The following NEBL variants were observed in gnomAD, a reference collection of about 807,000 sequenced individuals.
NEBL encodes LIM and SH3 protein 2.
A neutral mutation model predicts 140.2 loss-of-function variants in NEBL; 122 were observed. The observed-to-expected ratio is 0.87, with a 90% CI of 0.75 to 1.01. The LOEUF is 1.01. NEBL is among the 50% of genes least tolerant of loss of function. The probability of loss-of-function intolerance (pLI) is 0.00; values close to 1 mark genes in which losing one functional copy is unlikely to be tolerated. For synonymous variants in NEBL, 436 were observed against 398.9 expected, an observed-to-expected ratio of 1.09 and a Z score of -1.11; for missense variants, 1,365 against 1,231.3, an observed-to-expected ratio of 1.11 and a Z score of -1.62.
chr10:21,086,536 G>C (rs576406103), intron 2 of NEBL, among the ~76,000 whole-genome samples: 2 of 152,328 alleles, frequency 1.3e-5, no homozygotes, highest in African/African-American at 4.8e-5. Context: ...CCAGCACTTT[G>C]GGAGGCCAAG....
intron 26 of NEBL, among the ~76,000 whole-genome samples, chr10:20,790,892 A>T (rs1171763446): frequency 1.3e-5 from 2 of 152,204 alleles, no homozygotes; most frequent in Non-Finnish European, 2.9e-5. Flanking sequence ...ATTTTTAAAA[A>T]GTAAGATGTC....
chr10:20,876,120 G>A (rs1349160076), intron 5 of NEBL, among the ~76,000 whole-genome samples: 1 of 152,172 alleles, frequency 6.6e-6, no homozygotes, highest in Non-Finnish European at 1.5e-5. Flanking sequence ...TTCTGTAAGA[G>A]AATATAAGCC....
At chr10:21,134,883 T>C (rs1284626535) in intron 2 of NEBL, among the ~76,000 whole-genome samples, 1 of 152,196 alleles carries the variant, frequency 6.6e-6, no homozygotes, top group Non-Finnish European at 1.5e-5. Flanking sequence ...TAAAACAGTT[T>C]TCAGAATTTC....
intron 4 of NEBL, among the ~76,000 whole-genome samples, chr10:20,882,952 A>G (rs908663247): frequency 2.6e-5 from 4 of 152,166 alleles, no homozygotes; most frequent in Admixed American, 1.3e-4. Context: ...AAAAGAGCCT[A>G]TTTCATGAGA....
At chr10:21,115,560 A>T (rs1317777455) in intron 2 of NEBL, among the ~76,000 whole-genome samples, 9 of 151,928 alleles carry the variant, frequency 5.9e-5, no homozygotes, top group Admixed American at 5.9e-4. Flanking sequence ...AGTGCCTTAA[A>T]GGTGCTGCTC....
At chr10:20,852,461 A>G in intron 10 of NEBL, 84 bp downstream of exon 10, 2 of 853,222 alleles carry the variant, frequency 2.3e-6, no homozygotes, top group Non-Finnish European at 4.0e-6. Flanking sequence ...TTCTCAGTTA[A>G]GACGCACGGC....
At chr10:21,166,250 AGAAAAAAAAAT>A (rs1564533546) in intron 2 of NEBL, among the ~76,000 whole-genome samples, 8,213 of 107,698 alleles carry the variant, frequency 0.076, 688 homozygotes, top group African/African-American at 0.11. Context: ...AAAAAAGAAA[AGAAAAAAAAAT>A]TTTCTACATC....
intron 2 of NEBL, among the ~76,000 whole-genome samples, chr10:21,114,179 T>C (rs1478986736): frequency 1.3e-5 from 2 of 152,132 alleles, no homozygotes; most frequent in African/African-American, 4.8e-5. Flanking sequence ...TTTTCTTGTA[T>C]TGATTCAAGT....
At chr10:20,828,055 G>C (rs771948610) in intron 17 of NEBL, among the ~76,000 whole-genome samples, 12 of 150,938 alleles carry the variant, frequency 8.0e-5, no homozygotes, top group Admixed American at 5.3e-4. Context: ...ACCTGCACAG[G>C]TACCCCCAAA....
chr10:21,284,509 T>A (rs1326599857), intron 1 of NEBL, among the ~76,000 whole-genome samples: 1 of 152,198 alleles, frequency 6.6e-6, no homozygotes, highest in Non-Finnish European at 1.5e-5. Flanking sequence ...GTTCTGGTAT[T>A]CTAGCACTAA....
At chr10:21,073,072 G>A (rs1338339868) in intron 2 of NEBL, among the ~76,000 whole-genome samples, 2 of 152,162 alleles carry the variant, frequency 1.3e-5, no homozygotes, top group Non-Finnish European at 2.9e-5. Context: ...GACAGAGGAT[G>A]GGACAGGTTG....
At chr10:20,899,347 AG>A, upstream of NEBL, 3 of 1,230,952 alleles carry the variant, frequency 2.4e-6, no homozygotes, top group Non-Finnish European at 3.3e-6. Context: ...GGTGTTACTC[AG>A]GGTGACACCT....
intron 12 of NEBL, among the ~76,000 whole-genome samples, chr10:20,842,298 G>C (rs1445065335): frequency 6.6e-6 from 1 of 151,976 alleles, no homozygotes; most frequent in Non-Finnish European, 1.5e-5. Context: ...TGTGACCTTC[G>C]GGAGTACTTT....
intron 4 of NEBL, chr10:20,961,579 A>T: frequency 1.1e-6 from 1 of 937,834 alleles, no homozygotes; most frequent in South Asian, 1.3e-5. Context: ...TGCACCCCAC[A>T]GCAACACAAA....
At chr10:20,847,043 A>G (rs1842015008) in intron 11 of NEBL, among the ~76,000 whole-genome samples, 1 of 152,192 alleles carries the variant, frequency 6.6e-6, no homozygotes, top group Non-Finnish European at 1.5e-5. Flanking sequence ...TCTTGGGATC[A>G]TAAATACTTA....
chr10:20,856,017 T>C (rs556890799), intron 9 of NEBL, among the ~76,000 whole-genome samples: 14 of 152,322 alleles, frequency 9.2e-5, no homozygotes, highest in African/African-American at 3.4e-4. Context: ...CATTCTAATA[T>C]ACAATAAAGT....
chr10:20,949,592 T>C (rs892863013), intron 4 of NEBL, among the ~76,000 whole-genome samples: 1 of 152,162 alleles, frequency 6.6e-6, no homozygotes, highest in African/African-American at 2.4e-5. Context: ...AGTAAAAACA[T>C]ATTTATGAAT....
At chr10:21,067,218 A>G (rs11591548) in intron 2 of NEBL, among the ~76,000 whole-genome samples, 38 of 151,906 alleles carry the variant, frequency 2.5e-4, no homozygotes, top group Non-Finnish European at 4.9e-4. Context: ...TGATCCGCCC[A>G]CCTCGGCCTC....
chr10:20,817,001 T>A (rs1429737592), intron 21 of NEBL, among the ~76,000 whole-genome samples: 1 of 152,126 alleles, frequency 6.6e-6, no homozygotes, highest in Non-Finnish European at 1.5e-5. Context: ...AGGGCCAGGA[T>A]GCCAGAAGCT....
Sources: gnomAD v4.1 joint callset for allele counts (sites outside exome capture counted in the v4.1 genomes callset) on GRCh38, gnomAD v4.1.1 for gene constraint, MANE v1.5 for transcripts, NCBI Gene and HGNC (gene_info 2026-07-23, HGNC 2026-07-21) for gene names.